Variants in CAMK4 observed in about 807,000 individuals in gnomAD.
The protein encoded by CAMK4 is calcium/calmodulin dependent protein kinase IV, also known as calcium/calmodulin-dependent protein kinase type IV.
A neutral mutation model predicts 44.9 loss-of-function variants in CAMK4; 22 were observed. The observed-to-expected ratio is 0.49, with a 90% confidence interval of 0.35 to 0.70. The LOEUF is 0.70. Ranked by LOEUF, CAMK4 falls within the 30% of genes least tolerant of loss-of-function variation. The pLI is 0.01. For missense variants in CAMK4, 498 were observed against 586.8 expected, an observed-to-expected ratio of 0.85 and a Z score of 1.56; for synonymous variants, 218 against 215.4, an observed-to-expected ratio of 1.01 and a Z score of -0.11.
Position 111,483,962 on chromosome 5 carries a change from G to A in CAMK4, c.982-64G>A, listed in dbSNP as rs551702520. On this transcript the variant is annotated intron_variant, in intron 10 of 10. Transcript: ENST00000282356. ...CGGAATCCCTAAAAGCAAAGCTGGGGTTGAGCTCTGATGTGGGGTGTTAAA... is the reference window on the plus strand; with the variant it reads ...CGGAATCCCTAAAAGCAAAGCTGGGATTGAGCTCTGATGTGGGGTGTTAAA... 2.4e-6 allele frequency: 3 copies of A among 1,250,902 alleles called. No individual in the cohort carries two copies. The African/African-American group carries it at 4.5e-5, about 19-fold the overall frequency. The allele number at this position is 1,250,902 out of a possible 1,614,324, so 77.5% of individuals were successfully genotyped here.
chr5:111,335,462 A>G (rs1361361662), intron 1 of CAMK4, among the ~76,000 whole-genome samples: 1 of 151,384 alleles, frequency 6.6e-6, no homozygotes, highest in African/African-American at 2.4e-5. Context: ...TTTTGGAGGA[A>G]AAAATAAAAT....
At chr5:111,427,894 G>T (rs1363336509) in intron 5 of CAMK4, among the ~76,000 whole-genome samples, 6 of 152,246 alleles carry the variant, frequency 3.9e-5, no homozygotes, top group Non-Finnish European at 8.8e-5. Context: ...AGTGAATGTA[G>T]GCGGTAGCCA....
chr5:111,363,003 C>T (rs1413212131), intron 2 of CAMK4, among the ~76,000 whole-genome samples: 1 of 152,018 alleles, frequency 6.6e-6, no homozygotes, highest in Non-Finnish European at 1.5e-5. Flanking sequence ...AAATTAAACG[C>T]AAGGTGTGCT....
intron 7 of CAMK4, 25 bp downstream of exon 7, chr5:111,449,228 T>C (rs1209123052): frequency 1.9e-6 from 2 of 1,044,888 alleles, no homozygotes; most frequent in South Asian, 3.2e-5. Context: ...AATTATATTT[T>C]ACTTTTATTG....
chr5:111,377,442 A>T (rs555361425), intron 4 of CAMK4, among the ~76,000 whole-genome samples: 2 of 144,628 alleles, frequency 1.4e-5, no homozygotes, highest in South Asian at 4.3e-4. Context: ...ATGTTCTGTT[A>T]TAGCCAATTA....
chr5:111,395,228 GAA>G (rs758613011), intron 5 of CAMK4, among the ~76,000 whole-genome samples: 2,274 of 114,772 alleles, frequency 0.02, 415 homozygotes, highest in African/African-American at 0.024. Flanking sequence ...AAAAAAAAAA[GAA>G]AAAAAAAAAG....
At chr5:111,449,369 T>A (rs2112977845) in intron 7 of CAMK4, among the ~76,000 whole-genome samples, 166 bp downstream of exon 7, 1 of 152,338 alleles carries the variant, frequency 6.6e-6, no homozygotes, top group South Asian at 2.1e-4. Context: ...GATCACTTCT[T>A]GTTTTCTATG....
chr5:111,224,939 G>A lies in CAMK4; in HGVS notation c.161+295G>A, dbSNP rs907698888. On this transcript the variant is annotated intron_variant, in intron 1 of 10. Transcript: ENST00000282356. This position sits in a 1 kb window ranked among gnomAD's most constrained non-coding sequence, Gnocchi z 5.7. The stretch of plus-strand genomic sequence containing the variant: ...ACAGCTCCCACCGCACGTGGGCCCT[G>A]CTTTCCCAATTGATATCTTTGCTCA... 6.6e-6 allele frequency among the ~76,000 whole-genome samples: 1 copy of A among 151,568 alleles called. No homozygotes were observed. The highest frequency in any genetic ancestry group is 2.4e-5 in the African/African-American group (1 of 41,286).
chr5:111,416,957 G>A (rs1032878985), intron 5 of CAMK4, among the ~76,000 whole-genome samples: 1 of 152,190 alleles, frequency 6.6e-6, no homozygotes, highest in Non-Finnish European at 1.5e-5. Context: ...TAGGTGTTCA[G>A]CCAGTCTTCC....
At chr5:111,458,099 A>G (rs1271228133) in intron 7 of CAMK4, among the ~76,000 whole-genome samples, 1 of 152,162 alleles carries the variant, frequency 6.6e-6, no homozygotes, top group East Asian at 1.9e-4. Flanking sequence ...AGGGTACCCC[A>G]TATCCATCTC....
chr5:111,273,706 TATATATATATATACACAC>T lies in CAMK4; in HGVS notation c.161+49064_161+49081del, dbSNP rs1263667471. 5.3e-3 allele frequency among the ~76,000 whole-genome samples: 288 copies of T among 54,150 alleles called. 24 individuals are homozygous for T. Among genetic ancestry groups the T allele is most frequent in the African/African-American group, 0.011 (86 of 8,148 alleles). The allele number at this position is 54,150 out of a possible 152,430, so 35.5% of individuals were successfully genotyped here. A position where few individuals can be genotyped will look rare whatever the true frequency, so the allele number is the denominator to read the frequency against. ...ATATATATATATATATATATATATA[TATATATATATATACACAC>T]ACATACATACACACACACACGCTCA... is the stretch of plus-strand genomic sequence containing the variant. On this transcript the variant is annotated intron_variant, in intron 1 of 10. Coordinates refer to ENST00000282356, the MANE Select transcript of CAMK4 (RefSeq NM_001744.6).
At chr5:111,396,628 A>ATTATTT (rs1210775733) in intron 5 of CAMK4, among the ~76,000 whole-genome samples, 1 of 41,302 alleles carries the variant, frequency 2.4e-5, no homozygotes, top group Non-Finnish European at 4.7e-5. Flanking sequence ...ATTAACTCAT[A>ATTATTT]TTCTTTTTTT....
intron 5 of CAMK4, among the ~76,000 whole-genome samples, chr5:111,420,079 G>A (rs886068921): frequency 5.3e-5 from 8 of 150,564 alleles, no homozygotes; most frequent in African/African-American, 1.7e-4. Context: ...CCATGAGCAT[G>A]GAATGTTCTT....
chr5:111,246,748 C>T (rs1749259334), intron 1 of CAMK4, among the ~76,000 whole-genome samples: 1 of 152,172 alleles, frequency 6.6e-6, no homozygotes, highest in Non-Finnish European at 1.5e-5. Flanking sequence ...CAGATTACCA[C>T]CACACCTAAA....
intron 7 of CAMK4, among the ~76,000 whole-genome samples, chr5:111,461,201 T>G (rs1052563233): frequency 2.6e-5 from 4 of 152,270 alleles, no homozygotes; most frequent in East Asian, 1.9e-4. Context: ...AAAACTAAAA[T>G]GACAAAAGCC....
chr5:111,326,246 T>A (rs1748882506), intron 1 of CAMK4, among the ~76,000 whole-genome samples: 1 of 151,652 alleles, frequency 6.6e-6, no homozygotes, highest in South Asian at 2.1e-4. Context: ...AAAAATGAAG[T>A]CCAATATTAG....
intron 1 of CAMK4, among the ~76,000 whole-genome samples, chr5:111,231,769 C>T (rs1005027199): frequency 8.5e-5 from 13 of 152,050 alleles, no homozygotes; most frequent in Non-Finnish European, 1.5e-4. Flanking sequence ...AAATTGAAAA[C>T]TGTGAATAAA....
chr5:111,380,005 A>G (rs1386810562), intron 4 of CAMK4, among the ~76,000 whole-genome samples: 2 of 152,174 alleles, frequency 1.3e-5, no homozygotes, highest in Non-Finnish European at 2.9e-5. Context: ...TTATGACATC[A>G]TGAGAAGAAG....
chr5:111,383,622 A>ATT (rs10671641), intron 4 of CAMK4, among the ~76,000 whole-genome samples: 24,533 of 141,822 alleles, frequency 0.17, 2,242 homozygotes, highest in Admixed American at 0.23. Flanking sequence ...AGGGGAGATA[A>ATT]TTTTTTTTTT....
Sources: gnomAD v4.1 joint callset for allele counts (sites outside exome capture counted in the v4.1 genomes callset) on GRCh38, gnomAD v4.1.1 for gene constraint, Gnocchi (gnomAD v3.1) non-coding constraint, MANE v1.5 for transcripts, NCBI Gene and HGNC (gene_info 2026-07-23, HGNC 2026-07-21) for gene names.